Variants in PCLO observed in about 807,000 individuals in gnomAD.
PCLO encodes piccolo presynaptic cytomatrix protein, also known as protein piccolo.
Under a neutral mutation model 427.5 loss-of-function variants are expected in PCLO, and 82 were observed. The ratio of observed to expected loss-of-function variants is 0.19; its 90% CI spans 0.16 to 0.23. The LOEUF is 0.23. Ranked by LOEUF, PCLO falls within the 10% of genes least tolerant of loss-of-function variation. The pLI, the probability that PCLO is intolerant of heterozygous loss-of-function variation, is 1.00. For synonymous variants in PCLO, 2,357 were observed against 2,155.4 expected, an observed-to-expected ratio of 1.09 and a Z score of -2.59; for missense variants, 6,239 against 6,115.9, an observed-to-expected ratio of 1.02 and a Z score of -0.67.
chr7:82,840,697 GT>G (rs959444349), intron 14 of PCLO, among the ~76,000 whole-genome samples: 1 of 151,906 alleles, frequency 6.6e-6, no homozygotes, highest in African/African-American at 2.4e-5. Flanking sequence ...CCTTTGTGAA[GT>G]CTTTTGTGAA....
At chr7:82,825,826 G>T (rs137979969) in intron 18 of PCLO, among the ~76,000 whole-genome samples, 1 of 146,712 alleles carries the variant, frequency 6.8e-6, no homozygotes, top group African/African-American at 2.5e-5. Flanking sequence ...TATAATATAC[G>T]TATATATAAC....
chr7:83,093,338 ATAAAG>A (rs57554076), intron 3 of PCLO, among the ~76,000 whole-genome samples: 2,365 of 151,512 alleles, frequency 0.016, 64 homozygotes, highest in African/African-American at 0.052. Flanking sequence ...ATAAAATTAT[ATAAAG>A]TATTCTATAA....
chr7:83,112,183 G>A (rs1225571750), intron 3 of PCLO, among the ~76,000 whole-genome samples: 1 of 151,988 alleles, frequency 6.6e-6, no homozygotes, highest in East Asian at 1.9e-4. Context: ...TCAGCCTCCT[G>A]AGTAGCTGAG....
At chr7:83,151,088 G>C (rs1792117296) in intron 2 of PCLO, among the ~76,000 whole-genome samples, 1 of 152,052 alleles carries the variant, frequency 6.6e-6, no homozygotes, top group South Asian at 2.1e-4. Context: ...TCTCAATTCT[G>C]ACCTCCATAA....
At chr7:82,957,060 C>T (rs1795543400) in intron 4 of PCLO, 125 bp from the exon 5 acceptor site, 1 of 1,030,980 alleles carries the variant, frequency 9.7e-7, no homozygotes, top group East Asian at 3.0e-5. Context: ...TCAACCATAT[C>T]TCAGTATTTT....
At chr7:82,851,306 A>T (rs1792648354) in intron 10 of PCLO, among the ~76,000 whole-genome samples, 1 of 151,836 alleles carries the variant, frequency 6.6e-6, no homozygotes, top group African/African-American at 2.4e-5. Context: ...TACTTGGCAG[A>T]GGCTGGAAGA....
intron 22 of PCLO, among the ~76,000 whole-genome samples, chr7:82,793,794 C>T (rs1310418939): frequency 6.6e-6 from 1 of 152,090 alleles, no homozygotes; most frequent in African/African-American, 2.4e-5. Context: ...TCATGGAAGT[C>T]CTCTATTCTT....
intron 3 of PCLO, among the ~76,000 whole-genome samples, chr7:82,984,477 A>AG (rs908732217): frequency 6.7e-6 from 1 of 149,518 alleles, no homozygotes; most frequent in African/African-American, 2.5e-5. Context: ...TCATTTTAAA[A>AG]GGGGGAAAAA....
chr7:83,156,407 A>AG lies in PCLO; in HGVS notation c.249-16_249-15insC. On this transcript the variant is annotated splice_polypyrimidine_tract_variant and intron_variant, in intron 1 of 24. Transcript: ENST00000333891. ...ACTCTTGTTTCCTAGAAGAGTTAAA[A>AG]AAAAAAAAAAAAATCAAGTGAAAAT... is the stretch of plus-strand genomic sequence containing the variant. 3 of 1,404,024 alleles carry AG rather than the reference A, an allele frequency of 2.1e-6. No homozygotes were observed. The African/African-American group carries it at 4.4e-5, about 20-fold the overall frequency. 87.0% of individuals were successfully genotyped at this position (1,404,024 alleles called of 1,614,324 possible).
At chr7:82,903,436 T>C (rs1794108808) in intron 8 of PCLO, among the ~76,000 whole-genome samples, 1 of 152,054 alleles carries the variant, frequency 6.6e-6, no homozygotes, top group Non-Finnish European at 1.5e-5. Flanking sequence ...TTAAAGCTAC[T>C]GTTGCAAATC....
chr7:83,097,791 C>G (rs77543615), intron 3 of PCLO, among the ~76,000 whole-genome samples: 3,821 of 151,544 alleles, frequency 0.025, 157 homozygotes, highest in African/African-American at 0.088. Flanking sequence ...CAATAAACCA[C>G]AAAAGTCCGT....
At chr7:82,978,837 C>CACACACACACACACACACAA (rs1156437818) in intron 3 of PCLO, among the ~76,000 whole-genome samples, 4 of 107,464 alleles carry the variant, frequency 3.7e-5, no homozygotes, top group African/African-American at 1.4e-4. Flanking sequence ...GAACAAGAAA[C>CACACACACACACACACACAA]ACACACACAC....
intron 16 of PCLO, among the ~76,000 whole-genome samples, chr7:82,833,959 A>C (rs1486574871): frequency 6.6e-6 from 1 of 152,126 alleles, no homozygotes; most frequent in Non-Finnish European, 1.5e-5. Flanking sequence ...CAAGTTCTTA[A>C]GGACCTCACT....
chr7:82,796,069 C>T (rs373744582), intron 22 of PCLO, among the ~76,000 whole-genome samples: 15 of 152,120 alleles, frequency 9.9e-5, no homozygotes, highest in African/African-American at 3.1e-4. Context: ...ATTGACAATG[C>T]TTTGATGTGT....
rs1378633983 is a variant in PCLO, at chr7:82,954,113, T to C, written c.6840A>G (p.Lys2280=). The change falls in exon 5 of 25, where the codon AAA becomes AAG. Residue 2280 remains lysine, a synonymous_variant. Transcript: ENST00000333891. ...ASSIIESVVP[K]PEGPVADTVS... The stretch of plus-strand genomic sequence containing the variant: ...CAGTGTCAGCAACTGGCCCTTCAGG[T>C]TTAGGTACTACAGATTCTATGATAG... The C allele has an allele frequency of 6.2e-7, 1 of 1,613,834 alleles. No homozygotes were observed. Among genetic ancestry groups the C allele is most frequent in the Non-Finnish European group, 8.5e-7 (1 of 1,179,828 alleles).
intron 19 of PCLO, among the ~76,000 whole-genome samples, chr7:82,822,950 A>AT (rs1396570414): frequency 6.6e-6 from 1 of 152,166 alleles, no homozygotes; most frequent in African/African-American, 2.4e-5. Flanking sequence ...CTAGTAATAA[A>AT]TATGTTAACT....
chr7:82,868,836 T>G (rs571600780), intron 10 of PCLO, among the ~76,000 whole-genome samples: 1 of 152,338 alleles, frequency 6.6e-6, no homozygotes, highest in African/African-American at 2.4e-5. Flanking sequence ...AAAAATTTTC[T>G]AAATTTATCA....
rs768019945 is a variant in PCLO, at chr7:82,916,025, C to G, written c.11961G>C (p.Met3987Ile). The change falls in exon 7 of 25, where the codon ATG becomes ATC. Residue 3987 changes from methionine to isoleucine, a missense_variant. Coordinates refer to ENST00000333891, the MANE Select transcript of PCLO (RefSeq NM_033026.6). ...TGTTATCCGTAGAAACAGGTGCTAT[C>G]ATAAGGGGTTGGTTGCGAATCACTT... ...NYEVIRNQPLMIAPVSTDNTF... is the reference protein window; with the variant it reads ...NYEVIRNQPLIIAPVSTDNTF... The G allele has an allele frequency of 1.9e-6, 3 of 1,612,766 alleles. No homozygotes were observed. The highest frequency in any genetic ancestry group is 2.5e-6 in the Non-Finnish European group (3 of 1,179,776).
intron 3 of PCLO, among the ~76,000 whole-genome samples, chr7:83,120,547 T>A (rs1238186365): frequency 6.6e-6 from 1 of 151,060 alleles, no homozygotes; most frequent in East Asian, 1.9e-4. Flanking sequence ...CATTTAAAAA[T>A]CAAATTTCTA....
Sources: allele counts gnomAD v4.1 joint callset (sites outside exome capture counted in the v4.1 genomes callset), GRCh38; gene constraint gnomAD v4.1.1; transcripts MANE v1.5; gene names NCBI Gene and HGNC (gene_info 2026-07-23, HGNC 2026-07-21).